The following FAM171B variants were observed in gnomAD, a reference collection of about 807,000 sequenced individuals.
FAM171B encodes the protein family with sequence similarity 171 member B.
Under a neutral mutation model 75.6 loss-of-function variants are expected in FAM171B, and 19 were observed. The ratio of observed to expected loss-of-function variants is 0.25; its 90% CI spans 0.18 to 0.37. The LOEUF (loss-of-function observed/expected upper bound fraction) is 0.37. Ranked by LOEUF, FAM171B falls within the 10% of genes least tolerant of loss-of-function variation. The pLI, the probability that FAM171B is intolerant of heterozygous loss-of-function variation, is 1.00. For synonymous variants in FAM171B, 367 were observed against 361.7 expected (o/e 1.01, Z -0.17); for missense variants, 848 against 982.4 (o/e 0.86, Z 1.83).
intron 1 of FAM171B, among the ~76,000 whole-genome samples, chr2:186,715,202 T>C (rs1295292838): frequency 2.6e-5 from 4 of 152,220 alleles, no homozygotes; most frequent in East Asian, 3.9e-4. Flanking sequence ...TGTGTGTGTG[T>C]GTGTTTTGTT....
At chr2:186,734,085 A>G (rs1208066010) in intron 1 of FAM171B, among the ~76,000 whole-genome samples, 1 of 152,202 alleles carries the variant, frequency 6.6e-6, no homozygotes, top group East Asian at 1.9e-4. Flanking sequence ...CTGGAGGGTG[A>G]GCAAGGTGAA....
intron 5 of FAM171B, among the ~76,000 whole-genome samples, chr2:186,752,428 T>C (rs1690470169): frequency 6.6e-6 from 1 of 152,166 alleles, no homozygotes; most frequent in Non-Finnish European, 1.5e-5. Context: ...GTGGAAACTA[T>C]ATAACCACGG....
intron 6 of FAM171B, among the ~76,000 whole-genome samples, chr2:186,760,136 T>C (rs1690593217): frequency 6.6e-6 from 1 of 152,152 alleles, no homozygotes; most frequent in South Asian, 2.1e-4. Context: ...TTCTGTTCCA[T>C]TGGTCTATAT....
In FAM171B at chr2:186,694,095, T is replaced by A; in HGVS notation, c.-79T>A. The A allele has an allele frequency of 1.4e-6, 2 of 1,389,218 alleles. No individual in the cohort carries two copies. The highest frequency in any genetic ancestry group is 1.9e-6 in the Non-Finnish European group (2 of 1,079,546). 86.1% of individuals were successfully genotyped at this position (1,389,218 alleles called of 1,614,324 possible). On this transcript the variant is annotated 5_prime_UTR_variant, in exon 1 of 8. Coordinates refer to ENST00000304698, the MANE Select transcript of FAM171B (RefSeq NM_177454.4). Reference sequence around the variant, plus strand: ...CGAGGGGGAGCGAGCGAGCGGGCGCTGCCAGGAGCCCGCAGCCCTGGCGCC... The same window carrying A: ...CGAGGGGGAGCGAGCGAGCGGGCGCAGCCAGGAGCCCGCAGCCCTGGCGCC...
chr2:186,755,236 G>A (rs987163448), intron 6 of FAM171B, among the ~76,000 whole-genome samples: 3 of 152,136 alleles, frequency 2.0e-5, no homozygotes, highest in Admixed American at 6.6e-5. Context: ...GGCCTTTTCA[G>A]TATGTGTTGG....
chr2:186,703,076 T>C (rs62196183), intron 1 of FAM171B, among the ~76,000 whole-genome samples: 4,302 of 145,472 alleles, frequency 0.03, 152 homozygotes, highest in African/African-American at 0.084. Flanking sequence ...TATATATATA[T>C]ACACACACAC....
At chr2:186,752,624 T>C (rs1559092576) in intron 5 of FAM171B, among the ~76,000 whole-genome samples, 1 of 152,222 alleles carries the variant, frequency 6.6e-6, no homozygotes, top group Non-Finnish European at 1.5e-5. Flanking sequence ...TAGTTGCTGA[T>C]TGTTCTTTCT....
chr2:186,705,179 T>C (rs1269708559), intron 1 of FAM171B, among the ~76,000 whole-genome samples: 1 of 152,196 alleles, frequency 6.6e-6, no homozygotes, highest in Non-Finnish European at 1.5e-5. Flanking sequence ...CTCTGGGCAG[T>C]TTTGCAGTCA....
chr2:186,751,921 G>C (rs1690461918), intron 5 of FAM171B, among the ~76,000 whole-genome samples: 1 of 152,120 alleles, frequency 6.6e-6, no homozygotes, highest in South Asian at 2.1e-4. Context: ...AAAGTTTACA[G>C]GTAGGACTTC....
At chr2:186,729,050 A>T (rs1049208140) in intron 1 of FAM171B, among the ~76,000 whole-genome samples, 1 of 152,084 alleles carries the variant, frequency 6.6e-6, no homozygotes, top group Non-Finnish European at 1.5e-5. Context: ...ATACCTATTT[A>T]TTATTATTTG....
chr2:186,758,019 A>G (rs1690557793), intron 6 of FAM171B, among the ~76,000 whole-genome samples: 1 of 152,196 alleles, frequency 6.6e-6, no homozygotes, highest in Non-Finnish European at 1.5e-5. Flanking sequence ...TTGTTTGTCT[A>G]TTAAATAAGA....
intron 1 of FAM171B, among the ~76,000 whole-genome samples, chr2:186,738,461 G>C (rs1375748061): frequency 6.6e-6 from 1 of 152,044 alleles, no homozygotes; most frequent in African/African-American, 2.4e-5. Flanking sequence ...ATGGGGGAGT[G>C]CATGCAGAAT....
intron 1 of FAM171B, among the ~76,000 whole-genome samples, chr2:186,706,445 A>G (rs1230698224): frequency 1.3e-5 from 2 of 152,222 alleles, no homozygotes; most frequent in Non-Finnish European, 2.9e-5. Context: ...GCAAGAGACT[A>G]TGAAGAGTGA....
chr2:186,744,143 G>A (rs979317376), intron 3 of FAM171B, among the ~76,000 whole-genome samples: 5 of 152,056 alleles, frequency 3.3e-5, no homozygotes, highest in Non-Finnish European at 5.9e-5. Context: ...CTAACTCCCC[G>A]CACGCCTTAG....
Position 186,726,624 on chromosome 2 carries a change from T to C in FAM171B, c.239-13604T>C, listed in dbSNP as rs752307636. On this transcript the variant is annotated intron_variant, in intron 1 of 7. Transcript: ENST00000304698. ...AAGACTCGTAAAACTACTTTGATGATTTTTTTATAGTAGTAAAAATAAAAT... is the reference window on the plus strand; with the variant it reads ...AAGACTCGTAAAACTACTTTGATGACTTTTTTATAGTAGTAAAAATAAAAT... Among the ~76,000 whole-genome samples, 42 of 151,990 alleles carry C rather than the reference T, an allele frequency of 2.8e-4. 2 individuals are homozygous for C. The highest frequency in any genetic ancestry group is 1.2e-3 in the South Asian group (6 of 4,818).
intron 5 of FAM171B, among the ~76,000 whole-genome samples, chr2:186,752,935 T>C (rs1032135818): frequency 2.0e-5 from 3 of 152,196 alleles, no homozygotes; most frequent in African/African-American, 7.2e-5. Context: ...CAAATTTTAC[T>C]GGATGAGGTA....
rs1432160398 is a variant in FAM171B, at chr2:186,762,769, C to A, written c.2427C>A (p.Ser809Arg). 4 of 1,613,094 alleles carry A rather than the reference C, an allele frequency of 2.5e-6. No homozygotes were observed. The East Asian group carries it at 6.7e-5, about 27-fold the overall frequency. ...RGRPPLAKRD[S>R]KTNIWKKREE... The stretch of plus-strand genomic sequence containing the variant: ...GACCACCACTAGCCAAAAGAGATAG[C>A]AAGACTAACATCTGGAAGAAGCGAG... Residue 809 changes from serine (S) to arginine (R), a missense_variant, in exon 8 of 8, where the codon AGC becomes AGA. By Grantham distance (110) the Ser-to-Arg change is moderately radical. Around this residue, in one of 3 missense-constraint regions of FAM171B, gnomAD observed 136 missense variants for 159.3 expected, o/e 0.85. Coordinates refer to ENST00000304698, the MANE Select transcript of FAM171B (RefSeq NM_177454.4). The surrounding 1 kb of genome is among the most constrained non-coding windows in gnomAD (Gnocchi z 4.0).
intron 2 of FAM171B, among the ~76,000 whole-genome samples, chr2:186,742,153 G>C (rs1448319854): frequency 6.6e-6 from 1 of 152,054 alleles, no homozygotes; most frequent in Admixed American, 6.5e-5. Context: ...TTCCTATGGT[G>C]GTGTTGCAGT....
chr2:186,708,411 A>G (rs889649321), intron 1 of FAM171B, among the ~76,000 whole-genome samples: 27 of 152,254 alleles, frequency 1.8e-4, no homozygotes, highest in African/African-American at 6.5e-4. Flanking sequence ...GATACCATGC[A>G]TGGTGCCAAA....
Sources: gnomAD v4.1 joint callset for allele counts (sites outside exome capture counted in the v4.1 genomes callset) on GRCh38, gnomAD v4.1.1 for gene constraint, gnomAD v4.1.1 regional missense constraint, Gnocchi (gnomAD v3.1) non-coding constraint, MANE v1.5 for transcripts, NCBI Gene and HGNC (gene_info 2026-07-23, HGNC 2026-07-21) for gene names.